NRCAM: variants seen among roughly 807,000 people sequenced by gnomAD.
The protein encoded by NRCAM is NgCAM-related cell adhesion molecule.
NRCAM carries 83 observed loss-of-function variants against 156.5 expected under a neutral mutation model. That is an observed-to-expected ratio of 0.53 (90% CI 0.44 to 0.64). The LOEUF (loss-of-function observed/expected upper bound fraction) is 0.64. NRCAM is among the 30% of genes least tolerant of loss of function. NRCAM has a pLI of 0.00. For synonymous variants in NRCAM, 538 were observed against 563.9 expected, an observed-to-expected ratio of 0.95 and a Z score of 0.65; for missense variants, 1,417 against 1,597.3, an observed-to-expected ratio of 0.89 and a Z score of 1.92.
intron 1 of NRCAM, among the ~76,000 whole-genome samples, chr7:108,407,419 T>TGTG (rs2099810238): frequency 6.6e-6 from 1 of 152,166 alleles, no homozygotes; most frequent in South Asian, 2.1e-4. Context: ...CCAGTAAGAT[T>TGTG]GTTATATGGA....
chr7:108,261,136 G>A (rs1254431652), intron 3 of NRCAM, among the ~76,000 whole-genome samples: 1 of 152,132 alleles, frequency 6.6e-6, no homozygotes, highest in Non-Finnish European at 1.5e-5. Context: ...AAGCTGACTT[G>A]GAAATATTCC....
intron 3 of NRCAM, among the ~76,000 whole-genome samples, chr7:108,264,045 T>C (rs1373216435): frequency 6.6e-6 from 1 of 152,222 alleles, no homozygotes; most frequent in Non-Finnish European, 1.5e-5. Context: ...TGGTGCAGTC[T>C]TGGCTCACTG....
chr7:108,448,866 T>C (rs1020498869), intron 1 of NRCAM, among the ~76,000 whole-genome samples: 1 of 152,200 alleles, frequency 6.6e-6, no homozygotes, highest in Non-Finnish European at 1.5e-5. Context: ...GACAGATGTA[T>C]CTTGTTGCAC....
At chr7:108,344,734 T>C (rs1213823949) in intron 2 of NRCAM, among the ~76,000 whole-genome samples, 1 of 152,194 alleles carries the variant, frequency 6.6e-6, no homozygotes, top group Non-Finnish European at 1.5e-5. Flanking sequence ...TAGGAGCTAT[T>C]GGGTATAGAT....
chr7:108,339,553 A>G (rs2099250708), intron 2 of NRCAM, among the ~76,000 whole-genome samples: 2 of 152,136 alleles, frequency 1.3e-5, no homozygotes, highest in African/African-American at 4.8e-5. Flanking sequence ...GCACAAAGGC[A>G]ATGTTGGGCA....
rs1036949495 is a variant in NRCAM, at chr7:108,193,007, G to C, written c.1778+1017C>G. Reference sequence around the variant, plus strand: ...GTAAAAGCTTCAGCCACCTTAACCTGATGGTCATTTCTTTATGTTTCCTTT... The same window carrying C: ...GTAAAAGCTTCAGCCACCTTAACCTCATGGTCATTTCTTTATGTTTCCTTT... On this transcript the variant is annotated intron_variant, in intron 17 of 32. Coordinates refer to ENST00000379028, the MANE Select transcript of NRCAM (RefSeq NM_001037132.4). Among the ~76,000 whole-genome samples, 4 of 152,128 alleles carry C rather than the reference G, an allele frequency of 2.6e-5. No homozygotes were observed. In the East Asian group the frequency reaches 5.8e-4, roughly 22 times the overall value.
intron 6 of NRCAM, 34 bp downstream of exon 6, chr7:108,234,549 C>G: frequency 8.1e-7 from 1 of 1,230,070 alleles, no homozygotes; most frequent in Non-Finnish European, 1.2e-6. Context: ...CTGATTTATT[C>G]TCAGTACTAT....
At chr7:108,367,452 C>G (rs980460437) in intron 2 of NRCAM, among the ~76,000 whole-genome samples, 2 of 152,006 alleles carry the variant, frequency 1.3e-5, no homozygotes, top group Admixed American at 6.6e-5. Flanking sequence ...AACTGAGGTT[C>G]CACCTATAAA....
In NRCAM at chr7:108,369,632, G is replaced by A. The variant is rs112867212; in HGVS notation, c.-174+29804C>T. Among the ~76,000 whole-genome samples the A allele has an allele frequency of 9.1e-3, 1,382 of 152,120 alleles. 26 individuals carry two copies. Among genetic ancestry groups the A allele is most frequent in the African/African-American group, 0.031 (1,294 of 41,522 alleles). ...CTTGCAGGCAATTTTATTTAAGGAC[G>A]AGTTTTCCTTCCCCTAGTACACTAA... On this transcript the variant is annotated intron_variant, in intron 2 of 32. Coordinates refer to ENST00000379028, the MANE Select transcript of NRCAM (RefSeq NM_001037132.4).
chr7:108,276,181 A>T (rs1404459663), intron 3 of NRCAM, among the ~76,000 whole-genome samples: 2 of 152,072 alleles, frequency 1.3e-5, no homozygotes, highest in Non-Finnish European at 1.5e-5. Flanking sequence ...AATAAGTGCG[A>T]TGTGGTGCTG....
At chr7:108,354,760 G>C (rs894212722) in intron 2 of NRCAM, among the ~76,000 whole-genome samples, 1 of 152,124 alleles carries the variant, frequency 6.6e-6, no homozygotes, top group African/African-American at 2.4e-5. Flanking sequence ...TGGGCGTGGT[G>C]GTGGGTGCCT....
chr7:108,175,399 A>C (rs540488878), intron 27 of NRCAM, 42 bp from the exon 28 acceptor site: 31 of 1,504,606 alleles, frequency 2.1e-5, no homozygotes, highest in Non-Finnish European at 2.7e-5. Flanking sequence ...ATATAGTTAG[A>C]TGTAACACAC....
chr7:108,184,123 TA>T (rs2153367151), intron 22 of NRCAM, 117 bp downstream of exon 22: 4 of 553,522 alleles, frequency 7.2e-6, no homozygotes, highest in East Asian at 6.7e-5. Context: ...TATATATATA[TA>T]TATATTTTTT....
chr7:108,431,163 G>A (rs1297784528), intron 1 of NRCAM, among the ~76,000 whole-genome samples: 1 of 152,174 alleles, frequency 6.6e-6, no homozygotes, highest in Non-Finnish European at 1.5e-5. Context: ...GTTTATGTCA[G>A]CAGGGAAAAT....
intron 1 of NRCAM, among the ~76,000 whole-genome samples, chr7:108,440,802 G>C (rs2190406): frequency 0.36 from 55,326 of 151,980 alleles, 10,702 homozygotes; most frequent in African/African-American, 0.49. Context: ...ATGGTGTCCT[G>C]GGAATGCCTT....
chr7:108,349,888 T>C lies in NRCAM; in HGVS notation c.-173-37157A>G, dbSNP rs74890109. ...TTCAAAACCCTCTAATAGCATCACA[T>C]AATATCCAAAATAAAATCTGAATTC... On this transcript the variant is annotated intron_variant, in intron 2 of 32. Transcript: ENST00000379028. Among the ~76,000 whole-genome samples the C allele has an allele frequency of 1.0e-2, 1,523 of 152,308 alleles. 35 individuals are homozygous for C. The highest frequency in any genetic ancestry group is 0.033 in the African/African-American group (1,388 of 41,542).
At chr7:108,370,731 C>T (rs991125391) in intron 2 of NRCAM, among the ~76,000 whole-genome samples, 2 of 152,018 alleles carry the variant, frequency 1.3e-5, no homozygotes, top group Non-Finnish European at 2.9e-5. Flanking sequence ...AATACATCTC[C>T]CACATTATAT....
chr7:108,373,962 A>G (rs1204603033), intron 2 of NRCAM, among the ~76,000 whole-genome samples: 2 of 152,140 alleles, frequency 1.3e-5, no homozygotes, highest in African/African-American at 4.8e-5. Flanking sequence ...AGAGAGTACA[A>G]AACAACAGTG....
intron 20 of NRCAM, among the ~76,000 whole-genome samples, chr7:108,187,954 CA>C (rs369953785): frequency 3.5e-5 from 5 of 141,340 alleles, no homozygotes; most frequent in Non-Finnish European, 1.6e-5. Flanking sequence ...GACTCCGTCT[CA>C]AAAAAAAAAG....
Sources: allele counts gnomAD v4.1 joint callset (sites outside exome capture counted in the v4.1 genomes callset), GRCh38; gene constraint gnomAD v4.1.1; transcripts MANE v1.5; gene names NCBI Gene and HGNC (gene_info 2026-07-23, HGNC 2026-07-21).